Variants in PLXND1 observed in about 807,000 individuals in gnomAD.
PLXND1 encodes the protein plexin D1, also known as plexin-D1.
In PLXND1, 54 loss-of-function variants were observed where a neutral mutation model predicts 197.7. That is an observed-to-expected ratio of 0.27 (90% CI 0.22 to 0.34). The LOEUF is 0.34. Among genes scored for constraint, PLXND1 ranks in the 10% least tolerant of loss-of-function variants. PLXND1 has a pLI of 1.00. For synonymous variants in PLXND1, 1,180 were observed against 1,161.2 expected (o/e 1.02, Z -0.33); for missense variants, 2,127 against 2,699.2 (o/e 0.79, Z 4.70).
Position 129,574,291 on chromosome 3 carries a change from C to T in PLXND1, c.2685+45G>A, listed in dbSNP as rs757867124. On this transcript the variant is annotated intron_variant, in intron 12 of 35. Coordinates refer to ENST00000324093, the MANE Select transcript of PLXND1 (RefSeq NM_015103.3). ...ACCCTCGAGGGCACTGCGCATGCGC[C>T]GTGCCGGAGTGCGGGTGCCACGTGC... 64 of 1,526,298 alleles carry T rather than the reference C, an allele frequency of 4.2e-5. 1 individual carries two copies. The highest frequency in any genetic ancestry group is 3.2e-4 in the South Asian group (26 of 80,280). 94.5% of individuals were successfully genotyped at this position (1,526,298 alleles called of 1,614,324 possible). A position where few individuals can be genotyped will look rare whatever the true frequency, so the allele number is the denominator to read the frequency against.
At position 129,565,440 on chromosome 3, in the gene PLXND1, G is replaced by A. The variant is rs1353620974; in HGVS notation, c.4421C>T (p.Ser1474Leu). 3.7e-6 allele frequency: 6 copies of A among 1,614,054 alleles called. No individual in the cohort carries two copies. Among genetic ancestry groups the A allele is most frequent in the African/African-American group, 1.3e-5 (1 of 75,064 alleles). The change falls in exon 25 of 36, where the codon TCG becomes TTG. Residue 1474 changes from serine to leucine, a missense_variant. Around this residue, in one of 6 missense-constraint regions of PLXND1, gnomAD observed 532 missense variants for 811.0 expected, o/e 0.66. Coordinates refer to ENST00000324093, the MANE Select transcript of PLXND1 (RefSeq NM_015103.3). Reference sequence around the variant, plus strand: ...CATGAGCTTGGGGTTCTTGGCGGCCGAGGCGTCAATGAGGTCCACCAGCAG... The same window carrying A: ...CATGAGCTTGGGGTTCTTGGCGGCCAAGGCGTCAATGAGGTCCACCAGCAG... Reference protein sequence around the residue: ...KELLVDLIDASAAKNPKLMLR... With the variant: ...KELLVDLIDALAAKNPKLMLR...
chr3:129,558,776 G>GCTCCA lies in PLXND1; in HGVS notation c.5298-202_5298-201insTGGAG. The stretch of plus-strand genomic sequence containing the variant: ...GGGGCTGAGAGCCCGGTTTCCTGCT[G>GCTCCA]GAGCAAGGCAGGAGCTACAGGGCTT... On this transcript the variant is annotated intron_variant, in intron 32 of 35. Coordinates refer to ENST00000324093, the MANE Select transcript of PLXND1 (RefSeq NM_015103.3). This position sits in a 1 kb window ranked among gnomAD's most constrained non-coding sequence, Gnocchi z 4.1. 1.7e-6 allele frequency: 1 copy of GCTCCA among 571,672 alleles called. No individual in the cohort carries two copies. Among genetic ancestry groups the GCTCCA allele is most frequent in the Non-Finnish European group, 3.1e-6 (1 of 320,584 alleles). The allele number at this position is 571,672 out of a possible 1,614,324, so 35.4% of individuals were successfully genotyped here.
intron 25 of PLXND1, among the ~76,000 whole-genome samples, chr3:129,564,660 G>A (rs889106186): frequency 6.6e-6 from 1 of 152,372 alleles, no homozygotes; most frequent in Non-Finnish European, 1.5e-5. Flanking sequence ...AGAGCTTATG[G>A]GGGTCCTTCT....
intron 1 of PLXND1, among the ~76,000 whole-genome samples, chr3:129,594,372 G>A (rs1414488133): frequency 1.3e-5 from 2 of 152,158 alleles, no homozygotes; most frequent in Non-Finnish European, 2.9e-5. Flanking sequence ...TAATCCCAGC[G>A]CTTTGGGAGG....
intron 1 of PLXND1, among the ~76,000 whole-genome samples, chr3:129,591,064 C>T (rs2085533211): frequency 6.6e-6 from 1 of 152,234 alleles, no homozygotes; most frequent in South Asian, 2.1e-4. Flanking sequence ...GTGGGTCCTT[C>T]TGTGCTTGGG....
At chr3:129,592,871 T>C (rs2085566542) in intron 1 of PLXND1, among the ~76,000 whole-genome samples, 1 of 151,864 alleles carries the variant, frequency 6.6e-6, no homozygotes, top group African/African-American at 2.4e-5. Context: ...GTGCCGCCCC[T>C]GCTGGGGGAG....
intron 11 of PLXND1, among the ~76,000 whole-genome samples, chr3:129,574,804 C>T (rs187929474): frequency 8.5e-5 from 13 of 152,306 alleles, no homozygotes; most frequent in Admixed American, 4.6e-4. Flanking sequence ...AGGAGGGACT[C>T]GCCTGAGCTC....
chr3:129,589,310 T>TTG, intron 2 of PLXND1, 41 bp downstream of exon 2: 1 of 501,294 alleles, frequency 2.0e-6, no homozygotes, highest in Non-Finnish European at 3.8e-6. Flanking sequence ...CAGGGGAGCC[T>TTG]CCCACCCCCA....
intron 1 of PLXND1, among the ~76,000 whole-genome samples, chr3:129,596,416 C>G (rs754140356): frequency 7.7e-4 from 118 of 152,272 alleles, no homozygotes; most frequent in Admixed American, 1.6e-3. Flanking sequence ...CCCAGCTCCC[C>G]CTTCATGAAG....
chr3:129,599,488 T>C (rs775978688), intron 1 of PLXND1, among the ~76,000 whole-genome samples: 1 of 152,182 alleles, frequency 6.6e-6, no homozygotes, highest in Non-Finnish European at 1.5e-5. Context: ...TGTGGGCGTA[T>C]CCAGGGCGCT....
rs547899826 is a variant in PLXND1 at position 129,586,778 on chromosome 3, G to A, written c.1489-59C>T. On this transcript the variant is annotated intron_variant, in intron 2 of 35. Coordinates refer to ENST00000324093, the MANE Select transcript of PLXND1 (RefSeq NM_015103.3). ...CCATAGCAGGGGAGGCCAAACCCAG[G>A]GGACAACCTGAGCCCGGGTCTGGGG... The A allele has an allele frequency of 4.5e-6, 7 of 1,565,354 alleles. No individual in the cohort carries two copies. In the East Asian group the frequency reaches 1.2e-4, roughly 26 times the overall value.
At chr3:129,592,150 C>T (rs1414237287) in intron 1 of PLXND1, among the ~76,000 whole-genome samples, 2 of 152,038 alleles carry the variant, frequency 1.3e-5, no homozygotes, top group Non-Finnish European at 2.9e-5. Flanking sequence ...TCAGTGCCAG[C>T]CCTGACCTAC....
intron 1 of PLXND1, chr3:129,591,452 T>G (rs879607694): frequency 6.6e-6 from 1 of 152,202 alleles, no homozygotes; most frequent in African/African-American, 2.4e-5. Context: ...GCTATGCTGA[T>G]CGGGTGTCCA....
At chr3:129,567,837 TGGTG>T in intron 20 of PLXND1, 32 bp from the exon 21 acceptor site, 1 of 1,339,334 alleles carries the variant, frequency 7.5e-7, no homozygotes, top group Non-Finnish European at 1.1e-6. Flanking sequence ...GTCAGGCCTC[TGGTG>T]CCCTTTGGAA....
Position 129,571,768 on chromosome 3 carries a change from C to A in PLXND1, c.3154G>T (p.Glu1052Ter). Residue 1052 changes from glutamate (E) to a stop codon, truncating the protein, a stop_gained, in exon 16 of 36, where the codon GAG (glutamate) becomes TAG (stop). Coordinates refer to ENST00000324093, the MANE Select transcript of PLXND1 (RefSeq NM_015103.3). LOFTEE classifies it high-confidence loss of function. ...PAPVPVCVRF[E>*]RRGCVHGNLT... ...TTGCCGTGCACGCAGCCCCGACGCTCGAAGCGCACACACACAGGCACCGGA... is the reference window on the plus strand; with the variant it reads ...TTGCCGTGCACGCAGCCCCGACGCTAGAAGCGCACACACACAGGCACCGGA... 1 of 1,613,332 alleles carries A rather than the reference C, an allele frequency of 6.2e-7. No individual in the cohort carries two copies. Among genetic ancestry groups the A allele is most frequent in the Non-Finnish European group, 8.5e-7 (1 of 1,179,928 alleles).
In PLXND1 at chr3:129,589,388, G is replaced by T. The variant is rs373082800; in HGVS notation, c.1451C>A (p.Ala484Glu). ...VAVASVNNYTAVFLGTVNGRL... is the reference protein window; with the variant it reads ...VAVASVNNYTEVFLGTVNGRL... ...CCCGTTGACCGTGCCCAGGAAGACC[G>T]CTGTGTAGTTGTTGACGCTGGCCAC... The change falls in exon 2 of 36, where the codon GCG (alanine) becomes GAG (glutamate). Residue 484 changes from alanine to glutamate, a missense_variant. This residue lies in a region of PLXND1 where 1,095 missense variants were observed against 1,259.8 expected (regional missense o/e 0.87). Transcript: ENST00000324093. 7 of 1,387,740 alleles carry T rather than the reference G, an allele frequency of 5.0e-6. No homozygotes were observed. The highest frequency in any genetic ancestry group is 2.7e-4 in the Middle Eastern group (1 of 3,772). The allele number at this position is 1,387,740 out of a possible 1,614,324, so 86.0% of individuals were successfully genotyped here. A position where few individuals can be genotyped will look rare whatever the true frequency, so the allele number is the denominator to read the frequency against.
At chr3:129,597,772 T>G (rs1283940704) in intron 1 of PLXND1, among the ~76,000 whole-genome samples, 1 of 152,194 alleles carries the variant, frequency 6.6e-6, no homozygotes, top group Non-Finnish European at 1.5e-5. Flanking sequence ...AGACATGGCC[T>G]TTGGAAAGAA....
rs149756843 is a variant in PLXND1, at chr3:129,558,518, G to A, written c.5355C>T (p.Ile1785=). The change falls in exon 33 of 36, where the codon ATC becomes ATT. Residue 1785 remains isoleucine, a synonymous_variant. Coordinates refer to ENST00000324093, the MANE Select transcript of PLXND1 (RefSeq NM_015103.3). The surrounding 1 kb of genome is among the most constrained non-coding windows in gnomAD (Gnocchi z 4.1). The stretch of plus-strand genomic sequence containing the variant: ...AGGCGTCGATGTGGTCTGTCTTGTC[G>A]ATGTCAAAGACAAACTGGGGGTTCT... The part of the protein sequence containing the change: ...ILKNPQFVFD[I]DKTDHIDACL... 47 of 1,613,770 alleles carry A rather than the reference G, an allele frequency of 2.9e-5. No homozygotes were observed. Among genetic ancestry groups the A allele is most frequent in the Admixed American group, 3.3e-5 (2 of 60,002 alleles).
intron 1 of PLXND1, among the ~76,000 whole-genome samples, chr3:129,602,846 C>A (rs889179869): frequency 6.6e-6 from 1 of 152,152 alleles, no homozygotes; most frequent in Non-Finnish European, 1.5e-5. Flanking sequence ...TAAAACAATG[C>A]TTTGGGATAA....
Sources: allele counts gnomAD v4.1 joint callset (sites outside exome capture counted in the v4.1 genomes callset), GRCh38; gene constraint gnomAD v4.1.1; regional missense constraint gnomAD v4.1.1; non-coding constraint Gnocchi (gnomAD v3.1); transcripts MANE v1.5; gene names NCBI Gene and HGNC (gene_info 2026-07-23, HGNC 2026-07-21).